The following GATA4 variants were observed in gnomAD, a reference collection of about 807,000 sequenced individuals.
GATA4 encodes transcription factor GATA-4.
Under a neutral mutation model 37.9 loss-of-function variants are expected in GATA4, and 7 were observed. That is an observed-to-expected ratio of 0.18 (90% confidence interval 0.11 to 0.35). The LOEUF is 0.35. Among genes scored for constraint, GATA4 ranks in the 10% least tolerant of loss-of-function variants. GATA4 has a pLI of 1.00. For missense variants in GATA4, 647 were observed against 653.0 expected, an observed-to-expected ratio of 0.99 and a Z score of 0.10; for synonymous variants, 372 against 292.6, an observed-to-expected ratio of 1.27 and a Z score of -2.77.
At chr8:11,693,576 G>C (rs990481938) in intron 1 of GATA4, among the ~76,000 whole-genome samples, 4 of 151,250 alleles carry the variant, frequency 2.6e-5, no homozygotes, top group African/African-American at 9.7e-5. Context: ...GAGAGAGAGA[G>C]AGAGAGAGAG....
intron 2 of GATA4, among the ~76,000 whole-genome samples, chr8:11,716,898 G>C (rs1198037242): frequency 6.6e-6 from 1 of 152,254 alleles, no homozygotes; most frequent in Non-Finnish European, 1.5e-5. Context: ...ATAAGAAAGA[G>C]GAAGTATGCT....
chr8:11,682,301 A>T (rs528913491), intron 1 of GATA4, among the ~76,000 whole-genome samples: 1 of 152,332 alleles, frequency 6.6e-6, no homozygotes, highest in African/African-American at 2.4e-5. Context: ...GGAAACTGAT[A>T]TGGTAGAAAT....
In GATA4 at chr8:11,748,793, T is replaced by C. The variant is rs917314791; in HGVS notation, c.617-123T>C. On this transcript the variant is annotated intron_variant, in intron 2 of 6. Transcript: ENST00000532059. ...GAGGAAGAGCAAGAGCAGCCCGAGGTGGTCTTCTCTTTCCAAGGAAAGGGC... is the reference window on the plus strand; with the variant it reads ...GAGGAAGAGCAAGAGCAGCCCGAGGCGGTCTTCTCTTTCCAAGGAAAGGGC... 4.6e-6 allele frequency: 5 copies of C among 1,085,374 alleles called. No individual in the cohort carries two copies. The African/African-American group carries it at 6.2e-5, about 13-fold the overall frequency. 67.2% of individuals were successfully genotyped at this position (1,085,374 alleles called of 1,614,324 possible).
At chr8:11,721,838 A>G (rs908775095) in intron 2 of GATA4, among the ~76,000 whole-genome samples, 1 of 152,170 alleles carries the variant, frequency 6.6e-6, no homozygotes, top group Non-Finnish European at 1.5e-5. Context: ...GGACAATACT[A>G]TGATGCAAGG....
At chr8:11,740,372 C>T (rs1585664981) in intron 2 of GATA4, among the ~76,000 whole-genome samples, 1 of 152,206 alleles carries the variant, frequency 6.6e-6, no homozygotes, top group African/African-American at 2.4e-5. Context: ...TGCCCCCTCC[C>T]CTCAGAAGTG....
chr8:11,755,251 T>A (rs751069866), intron 5 of GATA4, 118 bp downstream of exon 5: 86 of 768,016 alleles, frequency 1.1e-4, no homozygotes, highest in Non-Finnish European at 1.7e-4. Flanking sequence ...GGTGACAGCA[T>A]CGGACATCCC....
intron 4 of GATA4, among the ~76,000 whole-genome samples, chr8:11,751,573 A>T (rs1195185939): frequency 6.6e-6 from 1 of 152,210 alleles, no homozygotes; most frequent in Non-Finnish European, 1.5e-5. Context: ...ATTAAAACCA[A>T]ACCAAACCAG....
chr8:11,686,080 A>T (rs1799125865), intron 1 of GATA4, among the ~76,000 whole-genome samples: 1 of 152,212 alleles, frequency 6.6e-6, no homozygotes, highest in Admixed American at 6.5e-5. Flanking sequence ...TTGTAGAGAA[A>T]CAAGTAGCAG....
chr8:11,709,037 T>C lies in GATA4; in HGVS notation c.616+109T>C. On this transcript the variant is annotated intron_variant, in intron 2 of 6. Coordinates refer to ENST00000532059, the MANE Select transcript of GATA4 (RefSeq NM_001308093.3). This position sits in a 1 kb window ranked among gnomAD's most constrained non-coding sequence, Gnocchi z 4.3. ...ACCAACGCCTTCGTTGGGCTGGGGATGGTGCTTCACTACCTCGAGTTTCTA... is the reference window on the plus strand; with the variant it reads ...ACCAACGCCTTCGTTGGGCTGGGGACGGTGCTTCACTACCTCGAGTTTCTA... The C allele has an allele frequency of 8.6e-7, 1 of 1,167,460 alleles. No individual in the cohort carries two copies. The allele number at this position is 1,167,460 out of a possible 1,614,324, so 72.3% of individuals were successfully genotyped here. A position where few individuals can be genotyped will look rare whatever the true frequency, so the allele number is the denominator to read the frequency against.
chr8:11,694,600 C>G (rs1031088544), intron 1 of GATA4: 1 of 750,880 alleles, frequency 1.3e-6, no homozygotes, highest in African/African-American at 1.9e-5. Context: ...CTGCTTTGTT[C>G]CTAAGAGGAA....
intron 2 of GATA4, among the ~76,000 whole-genome samples, chr8:11,736,274 A>G (rs1010109816): frequency 6.6e-6 from 1 of 152,230 alleles, no homozygotes; most frequent in Non-Finnish European, 1.5e-5. Context: ...GGGACTAAAA[A>G]CATAAATGAG....
chr8:11,708,453 C>G lies in GATA4; in HGVS notation c.141C>G (p.Ser47=), dbSNP rs1365789908. The G allele has an allele frequency of 1.0e-5, 16 of 1,531,978 alleles. No homozygotes were observed. The highest frequency in any genetic ancestry group is 1.4e-5 in the Non-Finnish European group (16 of 1,145,266). The allele number at this position is 1,531,978 out of a possible 1,614,324, so 94.9% of individuals were successfully genotyped here. A position where few individuals can be genotyped will look rare whatever the true frequency, so the allele number is the denominator to read the frequency against. The part of the protein sequence containing the change: ...VYVPTPRVPS[S]VLGLSYLQGG... ...TGCCCACACCGCGGGTGCCCTCCTC[C>G]GTGCTGGGCCTGTCCTACCTCCAGG... Residue 47 remains serine, a synonymous_variant, in exon 2 of 7, where the codon TCC becomes TCG. Coordinates refer to ENST00000532059, the MANE Select transcript of GATA4 (RefSeq NM_001308093.3). This position sits in a 1 kb window ranked among gnomAD's most constrained non-coding sequence, Gnocchi z 6.7.
At chr8:11,747,795 TG>T (rs1421818253) in intron 2 of GATA4, among the ~76,000 whole-genome samples, 6 of 152,242 alleles carry the variant, frequency 3.9e-5, no homozygotes, top group African/African-American at 1.4e-4. Flanking sequence ...CACCTTTATA[TG>T]ATGGAACAAT....
chr8:11,751,275 C>T (rs1488177295), intron 4 of GATA4, among the ~76,000 whole-genome samples: 1 of 152,220 alleles, frequency 6.6e-6, no homozygotes, highest in Non-Finnish European at 1.5e-5. Context: ...ACAATATTAA[C>T]AAAAAGGCAA....
At chr8:11,733,667 G>A (rs1801312067) in intron 2 of GATA4, among the ~76,000 whole-genome samples, 1 of 152,222 alleles carries the variant, frequency 6.6e-6, no homozygotes, top group East Asian at 1.9e-4. Flanking sequence ...GTAGATCTGT[G>A]CTGATATGGA....
chr8:11,733,699 G>A (rs1039232281), intron 2 of GATA4, among the ~76,000 whole-genome samples: 7 of 152,202 alleles, frequency 4.6e-5, no homozygotes, highest in Admixed American at 1.3e-4. Context: ...ACAGATATGC[G>A]TCCCTGCAGA....
chr8:11,747,571 AAATG>A (rs1014088015), intron 2 of GATA4, among the ~76,000 whole-genome samples: 1 of 152,230 alleles, frequency 6.6e-6, no homozygotes, highest in Non-Finnish European at 1.5e-5. Flanking sequence ...AAAACAGAAA[AAATG>A]AATGAATGAA....
chr8:11,693,139 A>C, intron 1 of GATA4: 1 of 935,270 alleles, frequency 1.1e-6, no homozygotes, highest in Non-Finnish European at 1.3e-6. Context: ...TGTGGTGTTC[A>C]TTTGTTCCTA....
intron 1 of GATA4, among the ~76,000 whole-genome samples, chr8:11,683,610 G>C (rs1018770804): frequency 1.3e-5 from 2 of 152,186 alleles, no homozygotes. Context: ...CCTCTGCGCT[G>C]GGCGTTATGC....
Sources: gnomAD v4.1 joint callset for allele counts (sites outside exome capture counted in the v4.1 genomes callset) on GRCh38, gnomAD v4.1.1 for gene constraint, Gnocchi (gnomAD v3.1) non-coding constraint, MANE v1.5 for transcripts, NCBI Gene and HGNC (gene_info 2026-07-23, HGNC 2026-07-21) for gene names.